ASH1L: variants seen among roughly 807,000 people sequenced by gnomAD.
ASH1L encodes histone-lysine N-methyltransferase ASH1L.
ASH1L carries 23 observed loss-of-function variants against 269.0 expected under a neutral mutation model. The ratio of observed to expected loss-of-function variants is 0.09; its 90% CI spans 0.06 to 0.12. The LOEUF (loss-of-function observed/expected upper bound fraction) is 0.12. Among genes scored for constraint, ASH1L ranks in the 10% least tolerant of loss-of-function variants. The probability of loss-of-function intolerance (pLI) is 1.00; values close to 1 mark genes in which losing one functional copy is unlikely to be tolerated. For synonymous variants in ASH1L, 1,187 were observed against 1,253.5 expected, an observed-to-expected ratio of 0.95 and a Z score of 1.12; for missense variants, 2,912 against 3,567.8, an observed-to-expected ratio of 0.82 and a Z score of 4.68.
chr1:155,544,250 T>C (rs992004904), intron 1 of ASH1L, among the ~76,000 whole-genome samples: 1 of 151,556 alleles, frequency 6.6e-6, no homozygotes, highest in African/African-American at 2.4e-5. Flanking sequence ...AGTATCTGAA[T>C]GTTCATGACT....
chr1:155,521,675 TA>T (rs1346429993), intron 1 of ASH1L, 57 bp from the exon 2 acceptor site: 1 of 647,762 alleles, frequency 1.5e-6, no homozygotes, highest in African/African-American at 1.8e-5. Context: ...CTGATTAACA[TA>T]AGTAATGGGT....
intron 7 of ASH1L, among the ~76,000 whole-genome samples, chr1:155,384,659 T>A (rs1657269599): frequency 6.6e-6 from 1 of 152,050 alleles, no homozygotes; most frequent in African/African-American, 2.4e-5. Flanking sequence ...TCCCAAGGTA[T>A]TTGGTATTAC....
At chr1:155,447,245 C>CT (rs35683440) in intron 4 of ASH1L, among the ~76,000 whole-genome samples, 2 of 151,854 alleles carry the variant, frequency 1.3e-5, no homozygotes, top group Admixed American at 6.6e-5. Flanking sequence ...TTTCTAAGAG[C>CT]TTTTTTTTAA....
intron 4 of ASH1L, among the ~76,000 whole-genome samples, chr1:155,440,291 G>A (rs775581560): frequency 6.6e-6 from 1 of 152,060 alleles, no homozygotes; most frequent in South Asian, 2.1e-4. Flanking sequence ...CTGGATGACA[G>A]AGCAAGACCC....
At chr1:155,362,061 T>C (rs1428525463) in intron 12 of ASH1L, among the ~76,000 whole-genome samples, 3 of 151,938 alleles carry the variant, frequency 2.0e-5, no homozygotes, top group African/African-American at 4.8e-5. Context: ...TTTTGAGACA[T>C]AGTCTTGCTC....
At chr1:155,473,653 T>C (rs1444980646) in intron 3 of ASH1L, among the ~76,000 whole-genome samples, 2 of 151,902 alleles carry the variant, frequency 1.3e-5, no homozygotes, top group African/African-American at 4.8e-5. Context: ...TATGCCATCA[T>C]GCCCAGCTAA....
intron 2 of ASH1L, among the ~76,000 whole-genome samples, chr1:155,490,561 T>C (rs1460125304): frequency 1.3e-5 from 2 of 150,070 alleles, no homozygotes; most frequent in Admixed American, 6.7e-5. Flanking sequence ...GAGATTGCAG[T>C]GAGCAAAGAT....
chr1:155,395,609 G>C, intron 6 of ASH1L, 56 bp from the exon 7 acceptor site: 2 of 1,245,824 alleles, frequency 1.6e-6, no homozygotes, highest in South Asian at 2.6e-5. Context: ...TCCTCCTGTG[G>C]TCAAATACAG....
intron 1 of ASH1L, among the ~76,000 whole-genome samples, chr1:155,545,918 A>AGGCCAAGG (rs1037935657): frequency 4.1e-4 from 62 of 152,192 alleles, no homozygotes; most frequent in African/African-American, 1.4e-3. Flanking sequence ...GCATTTTGGG[A>AGGCCAAGG]GGCCAAGGCA....
At chr1:155,471,379 A>C (rs1239153385) in intron 3 of ASH1L, among the ~76,000 whole-genome samples, 1 of 152,250 alleles carries the variant, frequency 6.6e-6, no homozygotes, top group African/African-American at 2.4e-5. Context: ...CAAATCACAT[A>C]ATTAAAAATC....
At position 155,506,603 on chromosome 1, in the gene ASH1L, G is replaced by T. The variant is rs997611442; in HGVS notation, c.420+14497C>A. On this transcript the variant is annotated intron_variant, in intron 2 of 27. Transcript: ENST00000392403. ...TACCAGCTACCTGGGAGGCTGAGGT[G>T]GGAAAACTGCTTGAACCTGGGAGGT... Among the ~76,000 whole-genome samples, 4 of 152,070 alleles carry T rather than the reference G, an allele frequency of 2.6e-5. No individual in the cohort carries two copies. The South Asian group carries it at 8.3e-4, about 32-fold the overall frequency.
At position 155,479,748 on chromosome 1, in the gene ASH1L, T is replaced by C; in HGVS notation, c.3122A>G (p.Lys1041Arg). Residue 1041 changes from lysine (K) to arginine (R), a missense_variant, in exon 3 of 28, where the codon AAG becomes AGG. Lys to Arg is a conservative substitution (Grantham distance 26, BLOSUM62 2). This residue lies in a region of ASH1L where 13 missense variants were observed against 38.5 expected (regional missense o/e 0.34). Transcript: ENST00000392403. ...SKLGQQINVS[K>R]KGTIYIGKRR... ...CTTTCCTATATAAATGGTTCCTTTC[T>C]TGCTGACATTTATCTGTTGGCCCAA... 3 of 1,614,190 alleles carry C rather than the reference T, an allele frequency of 1.9e-6. No individual in the cohort carries two copies. Among genetic ancestry groups the C allele is most frequent in the Non-Finnish European group, 2.5e-6 (3 of 1,180,018 alleles).
At chr1:155,374,224 C>T (rs887852811) in intron 10 of ASH1L, among the ~76,000 whole-genome samples, 7 of 151,588 alleles carry the variant, frequency 4.6e-5, no homozygotes, top group African/African-American at 1.5e-4. Context: ...ACTTGGGAGG[C>T]GGAGGTAGGA....
In ASH1L at chr1:155,378,355, G is replaced by A. The variant is rs773444855; in HGVS notation, c.6258C>T (p.Tyr2086=). 20 of 1,614,000 alleles carry A rather than the reference G, an allele frequency of 1.2e-5. No individual in the cohort carries two copies. Among genetic ancestry groups the A allele is most frequent in the Middle Eastern group, 3.3e-4 (2 of 6,084 alleles). The change falls in exon 10 of 28, where the codon TAC becomes TAT. Residue 2086 remains tyrosine (Y), a synonymous_variant. Transcript: ENST00000392403. The part of the protein sequence containing the change: ...VYVDVKPLSG[Y]EATTCNCKKP... ...TCTTACAGTTACAGGTGGTAGCTTC[G>A]TAACCAGAAAGGGGTTTGACATCAA...
At chr1:155,357,793 G>A in intron 13 of ASH1L, 44 bp from the exon 14 acceptor site, 1 of 1,547,506 alleles carries the variant, frequency 6.5e-7, no homozygotes, top group South Asian at 1.2e-5. Context: ...TTTTTTTAAG[G>A]CAGGGTCTTT....
chr1:155,497,775 G>T (rs1162902938), intron 2 of ASH1L, among the ~76,000 whole-genome samples: 4 of 150,102 alleles, frequency 2.7e-5, no homozygotes, highest in African/African-American at 9.9e-5. Context: ...TTGAGACGGA[G>T]TCTCACTCTG....
intron 1 of ASH1L, among the ~76,000 whole-genome samples, chr1:155,541,052 A>G (rs1258705939): frequency 3.9e-5 from 6 of 152,148 alleles, no homozygotes; most frequent in African/African-American, 1.2e-4. Context: ...CACCCTGCTA[A>G]GTGCATATCC....
chr1:155,387,596 T>A (rs1212729153), intron 7 of ASH1L, among the ~76,000 whole-genome samples: 5 of 152,152 alleles, frequency 3.3e-5, no homozygotes, highest in Non-Finnish European at 4.4e-5. Flanking sequence ...TTTTTTTGTG[T>A]GTAGGATTGC....
At chr1:155,460,886 G>T (rs574022569) in intron 3 of ASH1L, among the ~76,000 whole-genome samples, 1 of 152,020 alleles carries the variant, frequency 6.6e-6, no homozygotes, top group Non-Finnish European at 1.5e-5. Context: ...TACATCTCCC[G>T]CTCAAAAGAA....
Sources: gnomAD v4.1 joint callset for allele counts (sites outside exome capture counted in the v4.1 genomes callset) on GRCh38, gnomAD v4.1.1 for gene constraint, gnomAD v4.1.1 regional missense constraint, MANE v1.5 for transcripts, NCBI Gene and HGNC (gene_info 2026-07-23, HGNC 2026-07-21) for gene names.